The following DMD variants were observed in gnomAD, a reference collection of about 807,000 sequenced individuals.
DMD encodes dystrophin.
DMD carries 63 observed loss-of-function variants against 330.1 expected under a neutral mutation model. That is an observed-to-expected ratio of 0.19 (90% CI 0.16 to 0.24). The LOEUF is 0.24. DMD is among the 10% of genes least tolerant of loss of function. DMD has a pLI of 1.00. For synonymous variants in DMD, 1,223 were observed against 959.8 expected, an observed-to-expected ratio of 1.27 and a Z score of -5.07; for missense variants, 3,344 against 2,684.1, an observed-to-expected ratio of 1.25 and a Z score of -5.43.
chrX:31,174,655 TGTCCAA>T (rs1210498677), intron 71 of DMD, among the ~76,000 whole-genome samples: 2 of 111,614 alleles, frequency 1.8e-5, no homozygotes, highest in Non-Finnish European at 3.8e-5. Flanking sequence ...TTTAGCCCAG[TGTCCAA>T]GTAGCGTTGA....
intron 44 of DMD, among the ~76,000 whole-genome samples, chrX:32,048,178 T>C (rs192584354): frequency 1.0e-5 from 1 of 100,450 alleles, no homozygotes; most frequent in Admixed American, 1.1e-4. Flanking sequence ...CTCCTCACAA[T>C]GAACCTATTA....
In DMD at chrX:31,878,942, T is replaced by C. The variant is rs149589379; in HGVS notation, c.6913-3569A>G. On this transcript the variant is annotated intron_variant, in intron 47 of 78. Coordinates refer to ENST00000357033, the MANE Select transcript of DMD (RefSeq NM_004006.3). ...CCTCTTGTGGAAGGCAGTTTGGCCA[T>C]ATCTATAAAAAGCATGTAAACTTTG... Among the ~76,000 whole-genome samples, 96 of 111,754 alleles carry C rather than the reference T, an allele frequency of 8.6e-4. 1 individual carries two copies. The highest frequency in any genetic ancestry group is 2.9e-3 in the African/African-American group (89 of 30,778).
At chrX:32,734,575 T>G (rs1305633073) in intron 7 of DMD, among the ~76,000 whole-genome samples, 1 of 103,472 alleles carries the variant, frequency 9.7e-6, no homozygotes, top group East Asian at 3.0e-4. Context: ...CATGATCAAG[T>G]GGGCTTCATC....
intron 55 of DMD, among the ~76,000 whole-genome samples, chrX:31,606,896 G>C (rs1324686756): frequency 2.7e-5 from 3 of 111,875 alleles, no homozygotes; most frequent in African/African-American, 9.7e-5. Context: ...CTCTGGAAGA[G>C]AGCATTCACA....
intron 2 of DMD, among the ~76,000 whole-genome samples, chrX:32,858,940 C>G (rs1478657771): frequency 9.0e-6 from 1 of 111,333 alleles, no homozygotes; most frequent in African/African-American, 3.3e-5. Context: ...CACTCACTCA[C>G]TAGCTGTGTT....
intron 43 of DMD, among the ~76,000 whole-genome samples, chrX:32,251,232 A>G (rs532536664): frequency 9.0e-5 from 10 of 111,172 alleles, no homozygotes; most frequent in African/African-American, 2.0e-4. Flanking sequence ...GTCCTGATCA[A>G]TCTTCTACCT....
chrX:32,942,679 T>A (rs2090513485), intron 2 of DMD, among the ~76,000 whole-genome samples: 2 of 112,429 alleles, frequency 1.8e-5, no homozygotes, highest in Non-Finnish European at 3.8e-5. Flanking sequence ...GACTCTGCAA[T>A]GAAATATATT....
At chrX:31,991,875 C>G (rs748027954) in intron 44 of DMD, among the ~76,000 whole-genome samples, 6 of 111,368 alleles carry the variant, frequency 5.4e-5, no homozygotes, top group Non-Finnish European at 1.1e-4. Context: ...GTTTATTCTA[C>G]AGCTATTTAA....
intron 44 of DMD, among the ~76,000 whole-genome samples, chrX:31,989,305 C>A (rs1258940633): frequency 2.7e-5 from 3 of 112,154 alleles, no homozygotes; most frequent in Non-Finnish European, 5.6e-5. Flanking sequence ...TTAACCATCA[C>A]AGAAATTAAG....
intron 22 of DMD, among the ~76,000 whole-genome samples, chrX:32,470,606 A>G (rs187349335): frequency 5.4e-4 from 60 of 110,912 alleles, no homozygotes; most frequent in African/African-American, 1.8e-3. Flanking sequence ...TTTTATTCTT[A>G]TGTTTAAAAG....
intron 57 of DMD, among the ~76,000 whole-genome samples, chrX:31,492,055 A>C (rs972414992): frequency 1.8e-5 from 2 of 112,233 alleles, no homozygotes; most frequent in Non-Finnish European, 3.8e-5. Flanking sequence ...ACTTTTTAAA[A>C]AAGTGGCACT....
chrX:32,025,383 T>A (rs1033846133), intron 44 of DMD, among the ~76,000 whole-genome samples: 4 of 112,177 alleles, frequency 3.6e-5, no homozygotes, highest in African/African-American at 9.7e-5. Flanking sequence ...TTATTTAATA[T>A]TAAATAAAAA....
At chrX:32,522,717 C>CAT (rs761375798) in intron 17 of DMD, among the ~76,000 whole-genome samples, 2 of 112,161 alleles carry the variant, frequency 1.8e-5, no homozygotes, top group African/African-American at 6.5e-5. Flanking sequence ...AATTTCGCTT[C>CAT]ATATTTTCTA....
At chrX:31,514,716 T>A (rs892663655) in intron 55 of DMD, among the ~76,000 whole-genome samples, 1 of 112,293 alleles carries the variant, frequency 8.9e-6, no homozygotes. Context: ...TACAAGATAA[T>A]CCATGTGGAA....
At chrX:32,599,195 A>G (rs763892172) in intron 12 of DMD, among the ~76,000 whole-genome samples, 4 of 112,167 alleles carry the variant, frequency 3.6e-5, no homozygotes, top group African/African-American at 1.3e-4. Flanking sequence ...ATTAGTGAAT[A>G]TAACTGTATT....
intron 41 of DMD, among the ~76,000 whole-genome samples, chrX:32,310,777 C>G (rs778644359): frequency 9.0e-6 from 1 of 110,703 alleles, no homozygotes; most frequent in Non-Finnish European, 1.9e-5. Context: ...TGGTATGTAA[C>G]TTTGTATTAA....
chrX:32,336,706 A>G (rs1252798513), intron 41 of DMD, among the ~76,000 whole-genome samples: 1 of 112,404 alleles, frequency 8.9e-6, no homozygotes, highest in Non-Finnish European at 1.9e-5. Context: ...TCAAAGTTCT[A>G]CTAAATATTC....
At chrX:33,081,007 C>CAAAAAA (rs374907182) in intron 1 of DMD, among the ~76,000 whole-genome samples, 11 of 98,057 alleles carry the variant, frequency 1.1e-4, no homozygotes, top group African/African-American at 4.5e-4. Context: ...CACACACACA[C>CAAAAAA]AAAAACACAT....
intron 1 of DMD, among the ~76,000 whole-genome samples, chrX:33,321,904 A>G (rs2054021293): frequency 8.9e-6 from 1 of 111,768 alleles, no homozygotes; most frequent in Admixed American, 9.6e-5. Context: ...CTTAAACTTC[A>G]TAAACCAACT....
Sources: gnomAD v4.1 joint callset for allele counts (sites outside exome capture counted in the v4.1 genomes callset) on GRCh38, gnomAD v4.1.1 for gene constraint, MANE v1.5 for transcripts, NCBI Gene and HGNC (gene_info 2026-07-23, HGNC 2026-07-21) for gene names.